The following NSMCE2 variants were observed in gnomAD, a reference collection of about 807,000 sequenced individuals.
The protein encoded by NSMCE2 is NSE2 SUMO ligase component of SMC5/6 complex.
NSMCE2 carries 24 observed loss-of-function variants against 23.8 expected under a neutral mutation model. The ratio of observed to expected loss-of-function variants is 1.01; its 90% CI spans 0.73 to 1.42. The LOEUF is 1.42. Ranked by LOEUF, NSMCE2 falls within the 40% of genes most tolerant of loss-of-function variation. The probability of loss-of-function intolerance (pLI) is 0.00; values close to 1 mark genes in which losing one functional copy is unlikely to be tolerated. For synonymous variants in NSMCE2, 92 were observed against 94.1 expected (o/e 0.98, Z 0.13); for missense variants, 284 against 296.5 (o/e 0.96, Z 0.31).
chr8:125,121,893 A>T (rs1819280379), intron 3 of NSMCE2, among the ~76,000 whole-genome samples: 1 of 152,164 alleles, frequency 6.6e-6, no homozygotes. Flanking sequence ...TTTTAACCAC[A>T]ATAATGGATT....
At chr8:125,267,753 G>C (rs1235294654) in intron 5 of NSMCE2, among the ~76,000 whole-genome samples, 1 of 152,150 alleles carries the variant, frequency 6.6e-6, no homozygotes, top group East Asian at 1.9e-4. Context: ...TTCTAGCCTG[G>C]GTGAAGAGCG....
At chr8:125,126,891 T>C (rs1044559656) in intron 3 of NSMCE2, 1 of 152,240 alleles carries the variant, frequency 6.6e-6, no homozygotes, top group Admixed American at 6.5e-5. Context: ...AAAATGCTTT[T>C]CACTTGGCAC....
At chr8:125,310,454 A>G (rs1828934910) in intron 5 of NSMCE2, among the ~76,000 whole-genome samples, 1 of 152,192 alleles carries the variant, frequency 6.6e-6, no homozygotes, top group African/African-American at 2.4e-5. Context: ...AATTGTAGCT[A>G]TTGCAATTAT....
intron 1 of NSMCE2, among the ~76,000 whole-genome samples, chr8:125,098,409 G>A (rs185039007): frequency 2.6e-5 from 4 of 152,214 alleles, no homozygotes; most frequent in East Asian, 3.9e-4. Context: ...CATTACTCCC[G>A]GTGAGTCAGG....
chr8:125,320,184 A>AAG (rs200502032), intron 5 of NSMCE2, among the ~76,000 whole-genome samples: 1 of 142,112 alleles, frequency 7.0e-6, no homozygotes, highest in Non-Finnish European at 1.5e-5. Flanking sequence ...TCAAAAAAAA[A>AAG]AGAGAGAGAG....
chr8:125,266,736 G>T (rs968931047), intron 5 of NSMCE2, among the ~76,000 whole-genome samples: 1 of 152,036 alleles, frequency 6.6e-6, no homozygotes, highest in Non-Finnish European at 1.5e-5. Context: ...TAGGAGTTTG[G>T]GATTAGAAAT....
chr8:125,308,891 C>T (rs1828860739), intron 5 of NSMCE2, among the ~76,000 whole-genome samples: 1 of 152,182 alleles, frequency 6.6e-6, no homozygotes, highest in Admixed American at 6.5e-5. Flanking sequence ...CCCCTGCCAG[C>T]CATCTGAGGA....
intron 4 of NSMCE2, among the ~76,000 whole-genome samples, chr8:125,157,760 G>C (rs1821400600): frequency 6.6e-6 from 1 of 152,140 alleles, no homozygotes; most frequent in Non-Finnish European, 1.5e-5. Context: ...ATCCATCATA[G>C]TATTTTGGAG....
At chr8:125,272,014 C>CTTTTTTTT (rs563967898) in intron 5 of NSMCE2, among the ~76,000 whole-genome samples, 1 of 130,184 alleles carries the variant, frequency 7.7e-6, no homozygotes, top group African/African-American at 2.9e-5. Flanking sequence ...CAGTTTCTTT[C>CTTTTTTTT]TTTTTTTTTT....
At chr8:125,096,536 T>C (rs2384892) in intron 1 of NSMCE2, among the ~76,000 whole-genome samples, 1 of 151,958 alleles carries the variant, frequency 6.6e-6, no homozygotes, top group Admixed American at 6.6e-5. Flanking sequence ...TTTCTAGTGT[T>C]ATTTGTTTTT....
At chr8:125,239,241 T>G (rs1248494786) in intron 5 of NSMCE2, among the ~76,000 whole-genome samples, 1 of 152,136 alleles carries the variant, frequency 6.6e-6, no homozygotes, top group Non-Finnish European at 1.5e-5. Context: ...ATCACCATAT[T>G]TGAGAAGAAA....
At chr8:125,253,110 C>G (rs1022170317) in intron 5 of NSMCE2, among the ~76,000 whole-genome samples, 1 of 152,200 alleles carries the variant, frequency 6.6e-6, no homozygotes, top group African/African-American at 2.4e-5. Flanking sequence ...AAATTGGTGC[C>G]CTTCCCATCC....
chr8:125,318,742 AAT>A (rs1829308684), intron 5 of NSMCE2, among the ~76,000 whole-genome samples: 1 of 152,242 alleles, frequency 6.6e-6, no homozygotes, highest in South Asian at 2.1e-4. Context: ...ATGGAAAGGC[AAT>A]GATCCTTGAA....
In NSMCE2 at chr8:125,281,434, A is replaced by G. The variant is rs1025423319; in HGVS notation, c.419-75785A>G. Among the ~76,000 whole-genome samples, 23 of 152,260 alleles carry G rather than the reference A, an allele frequency of 1.5e-4. No individual in the cohort carries two copies. The Middle Eastern group carries it at 0.01, about 68-fold the overall frequency. On this transcript the variant is annotated intron_variant, in intron 5 of 7. Transcript: ENST00000287437. ...GTTGCCAGAGGAGATCACTGGGTGT[A>G]TCGAGAGGGTGATTTTTTTTTTCTA...
At chr8:125,279,328 C>A (rs188840130) in intron 5 of NSMCE2, among the ~76,000 whole-genome samples, 1 of 152,286 alleles carries the variant, frequency 6.6e-6, no homozygotes, top group Non-Finnish European at 1.5e-5. Flanking sequence ...ATGAACATTA[C>A]ATTTTCCATG....
At position 125,231,842 on chromosome 8, in the gene NSMCE2, T is replaced by A. The variant is rs369041673; in HGVS notation, c.418+49586T>A. Among the ~76,000 whole-genome samples the A allele has an allele frequency of 2.5e-4, 38 of 152,318 alleles. 1 individual carries two copies. The South Asian group carries it at 7.5e-3, about 30-fold the overall frequency. On this transcript the variant is annotated intron_variant, in intron 5 of 7. Coordinates refer to ENST00000287437, the MANE Select transcript of NSMCE2 (RefSeq NM_173685.4). ...TCTGTTCTCTCTACCATGCACCTCT[T>A]GAAAGAAGGAACACATTTTCTTTAT...
At chr8:125,224,517 A>G (rs1169913023) in intron 5 of NSMCE2, among the ~76,000 whole-genome samples, 1 of 152,206 alleles carries the variant, frequency 6.6e-6, no homozygotes. Flanking sequence ...ATTCTTCTGC[A>G]TGTGTATCTA....
chr8:125,306,700 AT>A (rs1163664985), intron 5 of NSMCE2, among the ~76,000 whole-genome samples: 1 of 152,214 alleles, frequency 6.6e-6, no homozygotes, highest in Non-Finnish European at 1.5e-5. Flanking sequence ...TATGGACTTT[AT>A]CTTGATATCC....
chr8:125,153,553 C>T (rs984147131), intron 4 of NSMCE2, among the ~76,000 whole-genome samples: 1 of 152,142 alleles, frequency 6.6e-6, no homozygotes, highest in African/African-American at 2.4e-5. Context: ...TAAGAATGAA[C>T]AGCAGCTTGG....
Sources: gnomAD v4.1 joint callset for allele counts (sites outside exome capture counted in the v4.1 genomes callset) on GRCh38, gnomAD v4.1.1 for gene constraint, MANE v1.5 for transcripts, NCBI Gene and HGNC (gene_info 2026-07-23, HGNC 2026-07-21) for gene names.